RDX: variants seen among roughly 807,000 people sequenced by gnomAD.
The protein encoded by RDX is deafness, autosomal recessive 24.
In RDX, 32 loss-of-function variants were observed where a neutral mutation model predicts 83.7. That is an observed-to-expected ratio of 0.38 (90% CI 0.29 to 0.51). The LOEUF is 0.51. Ranked by LOEUF, RDX falls within the 20% of genes least tolerant of loss-of-function variation. RDX has a pLI of 0.87. For synonymous variants in RDX, 229 were observed against 222.7 expected, an observed-to-expected ratio of 1.03 and a Z score of -0.25; for missense variants, 600 against 689.9, an observed-to-expected ratio of 0.87 and a Z score of 1.46.
At chr11:110,182,863 C>T (rs1021114814) in intron 15 of RDX, among the ~76,000 whole-genome samples, 1 of 152,186 alleles carries the variant, frequency 6.6e-6, no homozygotes, top group Non-Finnish European at 1.5e-5. Flanking sequence ...TCTACGGATT[C>T]TATGTATTTG....
intron 5 of RDX, among the ~76,000 whole-genome samples, chr11:110,262,025 A>T (rs1432042585): frequency 6.6e-6 from 1 of 150,798 alleles, no homozygotes; most frequent in African/African-American, 2.4e-5. Flanking sequence ...TTTAACATTT[A>T]AAAAAAAAAT....
intron 10 of RDX, among the ~76,000 whole-genome samples, chr11:110,240,820 C>T (rs1012230586): frequency 6.6e-6 from 1 of 150,480 alleles, no homozygotes; most frequent in African/African-American, 2.4e-5. Flanking sequence ...TTTGGGAGGC[C>T]GAGGTGGGCA....
chr11:110,237,494 G>T lies in RDX; in HGVS notation c.1249C>A (p.Leu417Ile). The stretch of plus-strand genomic sequence containing the variant: ...TCTCTAAGAAGACAGTTCCTTACTA[G>T]CTGCTCCTGATTCTTCATCTGGTCG... ...AADQMKNQEQ[L>I]AAELAEFTAK... Residue 417 changes from leucine to isoleucine, a missense_variant and splice_region_variant, in exon 11 of 14, where the codon CTA (leucine) becomes ATA (isoleucine). Transcript: ENST00000645495. 1 of 1,612,092 alleles carries T rather than the reference G, an allele frequency of 6.2e-7. No individual in the cohort carries two copies. The highest frequency in any genetic ancestry group is 8.5e-7 in the Non-Finnish European group (1 of 1,179,920).
At chr11:110,254,845 G>A (rs975920687) in intron 8 of RDX, among the ~76,000 whole-genome samples, 1 of 151,906 alleles carries the variant, frequency 6.6e-6, no homozygotes, top group Non-Finnish European at 1.5e-5. Flanking sequence ...TGACATTAGA[G>A]GAACTTTAAA....
At chr11:110,236,258 G>C in intron 11 of RDX, 67 bp from the exon 12 acceptor site, 1 of 1,194,986 alleles carries the variant, frequency 8.4e-7, no homozygotes, top group Non-Finnish European at 1.2e-6. Flanking sequence ...AGTCAACAAA[G>C]TTTTAATGCA....
chr11:110,254,393 G>A (rs988316852), intron 8 of RDX, among the ~76,000 whole-genome samples: 3 of 151,948 alleles, frequency 2.0e-5, no homozygotes, highest in Non-Finnish European at 2.9e-5. Context: ...AAGTAACTAT[G>A]AGCACCTGTT....
intron 3 of RDX, among the ~76,000 whole-genome samples, chr11:110,266,748 T>G (rs1860065665): frequency 6.6e-6 from 1 of 151,996 alleles, no homozygotes; most frequent in African/African-American, 2.4e-5. Context: ...TTTTTTTTGT[T>G]TTGTTTTGTT....
chr11:110,201,177 CAAAA>C (rs34428422), intron 14 of RDX, among the ~76,000 whole-genome samples: 5 of 82,022 alleles, frequency 6.1e-5, no homozygotes, highest in African/African-American at 9.8e-5. Flanking sequence ...ACTCCCGTCT[CAAAA>C]AAAAAAAAAA....
intron 2 of RDX, among the ~76,000 whole-genome samples, chr11:110,278,428 T>C (rs1303096329): frequency 6.6e-6 from 1 of 152,174 alleles, no homozygotes; most frequent in African/African-American, 2.4e-5. Context: ...TAGTTCTCTA[T>C]GTATTTAAAT....
chr11:110,275,652 C>G (rs1860483761), intron 2 of RDX, among the ~76,000 whole-genome samples: 1 of 152,094 alleles, frequency 6.6e-6, no homozygotes, highest in South Asian at 2.1e-4. Context: ...TTATTTCTTA[C>G]AAAAGAACCT....
At chr11:110,210,195 A>G (rs1863779762) in intron 14 of RDX, among the ~76,000 whole-genome samples, 1 of 131,692 alleles carries the variant, frequency 7.6e-6, no homozygotes, top group Non-Finnish European at 1.6e-5. Flanking sequence ...AAGAATGCAG[A>G]AGCCTCAGGA....
At chr11:110,232,207 C>T (rs1864666406) in intron 13 of RDX, among the ~76,000 whole-genome samples, 174 bp from the exon 14 acceptor site, 1 of 152,118 alleles carries the variant, frequency 6.6e-6, no homozygotes, top group African/African-American at 2.4e-5. Context: ...GGGAGGAATA[C>T]ACATGGCCTT....
At chr11:110,232,175 G>T (rs1343179591) in intron 13 of RDX, 142 bp from the exon 14 acceptor site, 1 of 697,176 alleles carries the variant, frequency 1.4e-6, no homozygotes, top group African/African-American at 1.8e-5. Context: ...GTTTGTTTTA[G>T]TAATAGTGGT....
chr11:110,187,510 G>T (rs541967303), intron 15 of RDX, among the ~76,000 whole-genome samples: 1 of 152,306 alleles, frequency 6.6e-6, no homozygotes, highest in South Asian at 2.1e-4. Flanking sequence ...CCTCCAGGCA[G>T]ATCTCCAGCA....
Position 110,237,566 on chromosome 11 carries a change from G to C in RDX, c.1177C>G (p.Arg393Gly). Residue 393 changes from arginine to glycine, a missense_variant, in exon 11 of 14, where the codon CGT (arginine) becomes GGT (glycine). By Grantham distance (125) the Arg-to-Gly change is moderately radical. Coordinates refer to ENST00000645495, the MANE Select transcript of RDX (RefSeq NM_002906.4). ...KEEAERLEKE[R>G]RAAEEAKSAI... The stretch of plus-strand genomic sequence containing the variant: ...GACTTTGCCTCTTCAGCAGCTCGAC[G>C]CTCCTTTTCAAGTCGTTCTGCTTCT... 6.2e-7 allele frequency: 1 copy of C among 1,613,964 alleles called. No individual in the cohort carries two copies. Among genetic ancestry groups the C allele is most frequent in the Non-Finnish European group, 8.5e-7 (1 of 1,180,010 alleles).
Position 110,179,906 on chromosome 11 carries a change from T to TC in RDX, c.*32-4673_*32-4672insG, listed in dbSNP as rs753210614. The TC allele has an allele frequency of 2.6e-3, 952 of 362,618 alleles. 13 individuals carry two copies. The highest frequency in any genetic ancestry group is 0.019 in the African/African-American group (804 of 42,634). 22.5% of individuals were successfully genotyped at this position (362,618 alleles called of 1,614,324 possible). On this transcript the variant is annotated intron_variant, in intron 15 of 15. Transcript: ENST00000528498. ...TTTCTTTTTCTTTTTCTTTTTTCTT[T>TC]TTTTTTTTTTTTTGAGACAGAGTTT...
intron 14 of RDX, among the ~76,000 whole-genome samples, chr11:110,218,516 G>T (rs1286110879): frequency 6.6e-6 from 1 of 152,100 alleles, no homozygotes; most frequent in Non-Finnish European, 1.5e-5. Context: ...TTCCCCTTGG[G>T]AAATTTCATC....
downstream of RDX, among the ~76,000 whole-genome samples, chr11:110,228,407 T>C (rs1244946465): frequency 6.6e-6 from 1 of 152,078 alleles, no homozygotes; most frequent in Admixed American, 6.6e-5. Flanking sequence ...AATGCTAAAG[T>C]TCTGTTCATT....
intron 15 of RDX, among the ~76,000 whole-genome samples, chr11:110,182,022 T>G (rs945325171): frequency 3.3e-5 from 5 of 152,106 alleles, no homozygotes; most frequent in African/African-American, 1.2e-4. Context: ...CCCTCTCCCA[T>G]GCCTACTGTG....
Sources: gnomAD v4.1 joint callset for allele counts (sites outside exome capture counted in the v4.1 genomes callset) on GRCh38, gnomAD v4.1.1 for gene constraint, MANE v1.5 for transcripts, NCBI Gene and HGNC (gene_info 2026-07-23, HGNC 2026-07-21) for gene names.